Variants in HMGCLL1 observed in about 807,000 individuals in gnomAD.
HMGCLL1 encodes the protein 3-hydroxymethyl-3-methylglutaryl-CoA lyase, cytoplasmic.
In HMGCLL1, 36 loss-of-function variants were observed where a neutral mutation model predicts 39.1. The ratio of observed to expected loss-of-function variants is 0.92; its 90% confidence interval spans 0.71 to 1.22. HMGCLL1 has a LOEUF of 1.22. Ranked by LOEUF, HMGCLL1 falls within the 50% of genes most tolerant of loss-of-function variation. HMGCLL1 has a pLI of 0.00. For synonymous variants in HMGCLL1, 149 were observed against 144.0 expected (o/e 1.03, Z -0.25); for missense variants, 451 against 416.5 (o/e 1.08, Z -0.72).
chr6:55,540,478 T>C (rs1432384985), intron 3 of HMGCLL1, among the ~76,000 whole-genome samples: 1 of 152,000 alleles, frequency 6.6e-6, no homozygotes, highest in Admixed American at 6.6e-5. Flanking sequence ...CTCTCCACCA[T>C]ATGAGGATAG....
chr6:55,480,285 C>G (rs1028048604), intron 7 of HMGCLL1, among the ~76,000 whole-genome samples: 1 of 151,456 alleles, frequency 6.6e-6, no homozygotes, highest in Non-Finnish European at 1.5e-5. Context: ...TAGGAAAAAT[C>G]TAATAATCCG....
intron 7 of HMGCLL1, among the ~76,000 whole-genome samples, chr6:55,477,170 A>T (rs1188962953): frequency 6.6e-5 from 3 of 45,506 alleles, no homozygotes; most frequent in African/African-American, 3.3e-4. Context: ...TTATAATATA[A>T]TATATATTAT....
chr6:55,591,442 G>C, the HMGCLL1 span, among the ~76,000 whole-genome samples: 1 of 151,892 alleles, frequency 6.6e-6, no homozygotes, highest in Admixed American at 6.6e-5. Context: ...CATGCCTGGT[G>C]GGGGTGGGAC....
At chr6:55,658,846 A>T in the HMGCLL1 span, among the ~76,000 whole-genome samples, 1 of 151,942 alleles carries the variant, frequency 6.6e-6, no homozygotes, top group East Asian at 1.9e-4. Flanking sequence ...TAAACTTTGT[A>T]GGTACTATAA....
At chr6:55,675,399 A>G in the HMGCLL1 span, among the ~76,000 whole-genome samples, 1 of 152,094 alleles carries the variant, frequency 6.6e-6, no homozygotes, top group Non-Finnish European at 1.5e-5. Flanking sequence ...TAAAATTACT[A>G]TTATATGTAT....
intron 1 of HMGCLL1, among the ~76,000 whole-genome samples, chr6:55,549,373 A>AGTGTGTGTGTGTGTGT (rs70986732): frequency 1.1e-4 from 16 of 145,528 alleles, no homozygotes; most frequent in South Asian, 4.4e-4. Flanking sequence ...CAAATACAGA[A>AGTGTGTGTGTGTGTGT]GTGTGTGTGT....
chr6:55,640,671 A>G, the HMGCLL1 span, among the ~76,000 whole-genome samples: 14 of 151,804 alleles, frequency 9.2e-5, no homozygotes, highest in Non-Finnish European at 1.5e-5. Context: ...TTGTAGGCAC[A>G]TGCTACATTA....
intron 7 of HMGCLL1, among the ~76,000 whole-genome samples, chr6:55,446,976 T>C (rs1763875433): frequency 6.6e-6 from 1 of 152,008 alleles, no homozygotes; most frequent in African/African-American, 2.4e-5. Context: ...ATAAAATTTC[T>C]GAAAGTGAAA....
chr6:55,505,970 C>A (rs1211656779), intron 5 of HMGCLL1, among the ~76,000 whole-genome samples: 3 of 151,656 alleles, frequency 2.0e-5, no homozygotes, highest in South Asian at 2.1e-4. Context: ...ACAATAAATC[C>A]ATTTCACCAA....
the HMGCLL1 span, among the ~76,000 whole-genome samples, chr6:55,590,674 T>G: frequency 2.0e-5 from 3 of 152,044 alleles, no homozygotes; most frequent in Non-Finnish European, 2.9e-5. Flanking sequence ...TTTTATCTCA[T>G]GCTTATTAAA....
chr6:55,602,396 T>C, the HMGCLL1 span, among the ~76,000 whole-genome samples: 1 of 152,126 alleles, frequency 6.6e-6, no homozygotes, highest in Non-Finnish European at 1.5e-5. Flanking sequence ...ATCATGATCT[T>C]AAATGATGTT....
At chr6:55,548,482 G>A (rs889421323) in intron 1 of HMGCLL1, among the ~76,000 whole-genome samples, 1 of 151,818 alleles carries the variant, frequency 6.6e-6, no homozygotes, top group Non-Finnish European at 1.5e-5. Flanking sequence ...ATTATACAAG[G>A]GGCATTTGCC....
intron 7 of HMGCLL1, among the ~76,000 whole-genome samples, chr6:55,482,768 C>G (rs994619392): frequency 6.6e-6 from 1 of 151,998 alleles, no homozygotes; most frequent in African/African-American, 2.4e-5. Flanking sequence ...CTCTTCAAAC[C>G]TCAACTTTTT....
rs1763582403 is a variant in HMGCLL1, at chr6:55,441,176, TAGG to T, written c.796-1620_796-1618del. ...TGGGGGTCAGTGGATTAAAAATTAC[TAGG>T]AGAAAACATCAGGAGTGAAAGGAAT... On this transcript the variant is annotated intron_variant, in intron 7 of 8. Transcript: ENST00000274901. Among the ~76,000 whole-genome samples, 5 of 152,020 alleles carry T rather than the reference TAGG, an allele frequency of 3.3e-5. No individual in the cohort carries two copies. In the South Asian group the frequency reaches 1.0e-3, roughly 31 times the overall value.
chr6:55,480,839 G>A (rs551847623), intron 7 of HMGCLL1, among the ~76,000 whole-genome samples: 31 of 148,276 alleles, frequency 2.1e-4, no homozygotes, highest in Non-Finnish European at 4.1e-4. Flanking sequence ...AACGACATGG[G>A]TGGAACTGGA....
the HMGCLL1 span, among the ~76,000 whole-genome samples, chr6:55,644,231 T>C: frequency 6.6e-6 from 1 of 152,080 alleles, no homozygotes; most frequent in Non-Finnish European, 1.5e-5. Context: ...TTCAAACCTT[T>C]TGTCAAACAG....
At chr6:55,475,855 T>C (rs1765261099) in intron 7 of HMGCLL1, among the ~76,000 whole-genome samples, 1 of 151,676 alleles carries the variant, frequency 6.6e-6, no homozygotes, top group South Asian at 2.1e-4. Context: ...ATCATGCTTT[T>C]CTCACTGAAG....
the HMGCLL1 span, among the ~76,000 whole-genome samples, chr6:55,670,907 A>T: frequency 3.3e-5 from 5 of 151,820 alleles, no homozygotes; most frequent in Admixed American, 1.3e-4. Flanking sequence ...ACAAAGCATG[A>T]CCCAACCAAA....
chr6:55,595,872 A>T, the HMGCLL1 span, among the ~76,000 whole-genome samples: 8 of 152,234 alleles, frequency 5.3e-5, no homozygotes, highest in African/African-American at 1.4e-4. Context: ...CTGCAGCATG[A>T]TAACATAACA....
Sources: gnomAD v4.1 joint callset for allele counts (sites outside exome capture counted in the v4.1 genomes callset) on GRCh38, gnomAD v4.1.1 for gene constraint, MANE v1.5 for transcripts, NCBI Gene and HGNC (gene_info 2026-07-23, HGNC 2026-07-21) for gene names.